LRIF1: variants seen among roughly 807,000 people sequenced by gnomAD.
The protein encoded by LRIF1 is ligand dependent nuclear receptor interacting factor 1.
Under a neutral mutation model 52.7 loss-of-function variants are expected in LRIF1, and 32 were observed. That is an observed-to-expected ratio of 0.61 (90% CI 0.46 to 0.82). The LOEUF (loss-of-function observed/expected upper bound fraction) is 0.82. LRIF1 is among the 40% of genes least tolerant of loss of function. The pLI is 0.00. For missense variants in LRIF1, 887 were observed against 892.0 expected, an observed-to-expected ratio of 0.99 and a Z score of 0.07; for synonymous variants, 323 against 317.4, an observed-to-expected ratio of 1.02 and a Z score of -0.19.
At chr1:110,878,956 C>A in the LRIF1 span, among the ~76,000 whole-genome samples, 1 of 151,992 alleles carries the variant, frequency 6.6e-6, no homozygotes, top group East Asian at 1.9e-4. Context: ...TGAAATTTAA[C>A]ATTTTCAATT....
chr1:110,892,246 T>C, the LRIF1 span: 2 of 901,956 alleles, frequency 2.2e-6, no homozygotes, highest in South Asian at 1.3e-5. Flanking sequence ...ATTGAGCCAG[T>C]TAAAAATAAA....
In LRIF1 at chr1:110,949,911, C is replaced by T; in HGVS notation, c.1809G>A (p.Leu603=). 1 of 1,614,116 alleles carries T rather than the reference C, an allele frequency of 6.2e-7. No homozygotes were observed. Among genetic ancestry groups the T allele is most frequent in the Non-Finnish European group, 8.5e-7 (1 of 1,180,016 alleles). Residue 603 remains leucine (L), a synonymous_variant, in exon 3 of 4, where the codon TTG becomes TTA. Coordinates refer to ENST00000369763, the MANE Select transcript of LRIF1 (RefSeq NM_018372.4). ...SGEGFDSFSS[L]VKSGTYKETE... is the part of the protein sequence containing the mutation. ...TCTCTTTGTAAGTACCACTCTTTAC[C>T]AAACTGCTAAAGGAATCGAAACCTT...
the LRIF1 span, among the ~76,000 whole-genome samples, chr1:110,907,392 T>TGTG: frequency 2.6e-5 from 4 of 152,224 alleles, no homozygotes; most frequent in Non-Finnish European, 5.9e-5. Flanking sequence ...TGTCAGTCTC[T>TGTG]GTGGGAGGAT....
chr1:110,942,907 C>T (rs182392931), downstream of LRIF1, among the ~76,000 whole-genome samples: 2 of 151,864 alleles, frequency 1.3e-5, no homozygotes, highest in Non-Finnish European at 1.5e-5. Context: ...TGAATATAGA[C>T]GGTATTTTGA....
the LRIF1 span, among the ~76,000 whole-genome samples, chr1:110,917,871 C>T: frequency 6.6e-6 from 1 of 151,920 alleles, no homozygotes; most frequent in East Asian, 1.9e-4. Context: ...AAATCCTAAA[C>T]AAAATCCTAA....
the LRIF1 span, among the ~76,000 whole-genome samples, chr1:110,893,334 G>A: frequency 6.6e-6 from 1 of 152,098 alleles, no homozygotes; most frequent in Admixed American, 6.5e-5. Context: ...TCTTGTTGTT[G>A]TTTTGGAGAT....
the LRIF1 span, among the ~76,000 whole-genome samples, chr1:110,919,112 A>G: frequency 1.3e-5 from 2 of 152,228 alleles, no homozygotes; most frequent in African/African-American, 4.8e-5. Flanking sequence ...GAGTGAAACT[A>G]GAAAACCAAA....
chr1:110,891,397 G>A, the LRIF1 span: 1 of 1,610,766 alleles, frequency 6.2e-7, no homozygotes, highest in Non-Finnish European at 8.5e-7. Context: ...CTTAGGGCAA[G>A]AATATCACGG....
chr1:110,907,857 A>G, the LRIF1 span, among the ~76,000 whole-genome samples: 5 of 152,210 alleles, frequency 3.3e-5, no homozygotes, highest in African/African-American at 7.2e-5. Flanking sequence ...TACCATTAGC[A>G]TACTCTAGAT....
chr1:110,921,067 G>C, the LRIF1 span, among the ~76,000 whole-genome samples: 1 of 152,122 alleles, frequency 6.6e-6, no homozygotes, highest in East Asian at 1.9e-4. Context: ...TCCAAAACCA[G>C]AATCATGTTT....
At chr1:110,948,963 T>C (rs1378536108) in intron 3 of LRIF1, among the ~76,000 whole-genome samples, 1 of 152,196 alleles carries the variant, frequency 6.6e-6, no homozygotes, top group Admixed American at 6.5e-5. Context: ...GATAGAGTCC[T>C]CAAAGTAGGA....
At chr1:110,918,981 A>T in the LRIF1 span, among the ~76,000 whole-genome samples, 1 of 152,222 alleles carries the variant, frequency 6.6e-6, no homozygotes, top group South Asian at 2.1e-4. Context: ...CTGGCCCTCC[A>T]GTTTACACCT....
the LRIF1 span, among the ~76,000 whole-genome samples, chr1:110,877,433 A>G: frequency 6.6e-6 from 1 of 152,182 alleles, no homozygotes; most frequent in Non-Finnish European, 1.5e-5. Context: ...GAGGACGGAG[A>G]ACCTCTGGTC....
chr1:110,895,628 A>G, the LRIF1 span, among the ~76,000 whole-genome samples: 1 of 152,230 alleles, frequency 6.6e-6, no homozygotes, highest in Admixed American at 6.5e-5. Context: ...AAGAAATGGC[A>G]CAGGAATTAG....
the LRIF1 span, among the ~76,000 whole-genome samples, chr1:110,896,247 T>G: frequency 1.3e-5 from 2 of 152,316 alleles, no homozygotes; most frequent in African/African-American, 4.8e-5. Flanking sequence ...TTTGATGTGG[T>G]TTTTGTTTTG....
chr1:110,942,591 G>C (rs549833484), downstream of LRIF1, among the ~76,000 whole-genome samples: 1 of 152,224 alleles, frequency 6.6e-6, no homozygotes, highest in East Asian at 1.9e-4. Flanking sequence ...TAGAGGTGGT[G>C]AGCAATGGTC....
chr1:110,948,271 T>C lies in LRIF1; in HGVS notation c.1998A>G (p.Leu666=). The C allele has an allele frequency of 6.2e-7, 1 of 1,614,122 alleles. No homozygotes were observed. The highest frequency in any genetic ancestry group is 1.1e-5 in the South Asian group (1 of 91,082). Residue 666 remains leucine (L), a synonymous_variant, in exon 4 of 4, where the codon CTA becomes CTG. Coordinates refer to ENST00000369763, the MANE Select transcript of LRIF1 (RefSeq NM_018372.4). The part of the protein sequence containing the change: ...GEANVTGSQL[L]SSILPTSDVS... ...CATCTGAAGTTGGTAAAATACTGCT[T>C]AGGAGTTGGGAACCGGTGACATTAG...
chr1:110,922,385 C>T, the LRIF1 span, among the ~76,000 whole-genome samples: 1 of 152,190 alleles, frequency 6.6e-6, no homozygotes, highest in African/African-American at 2.4e-5. Context: ...GCAAGAAGGC[C>T]CTCACCACAT....
At chr1:110,888,809 A>T in the LRIF1 span, among the ~76,000 whole-genome samples, 10 of 152,214 alleles carry the variant, frequency 6.6e-5, no homozygotes, top group Non-Finnish European at 4.4e-5. Context: ...GACTAGCCAG[A>T]TTCTAAGTGC....
Sources: allele counts gnomAD v4.1 joint callset (sites outside exome capture counted in the v4.1 genomes callset), GRCh38; gene constraint gnomAD v4.1.1; transcripts MANE v1.5; gene names NCBI Gene and HGNC (gene_info 2026-07-23, HGNC 2026-07-21).